The following HS2ST1 variants were observed in gnomAD, a reference collection of about 807,000 sequenced individuals.
The protein encoded by HS2ST1 is 2-O-sulfotransferase.
HS2ST1 carries 18 observed loss-of-function variants against 42.9 expected under a neutral mutation model. The ratio of observed to expected loss-of-function variants is 0.42; its 90% CI spans 0.29 to 0.62. The LOEUF (loss-of-function observed/expected upper bound fraction) is 0.62. HS2ST1 is among the 20% of genes least tolerant of loss of function. The pLI is 0.21. For synonymous variants in HS2ST1, 146 were observed against 152.9 expected, an observed-to-expected ratio of 0.95 and a Z score of 0.33; for missense variants, 334 against 433.8, an observed-to-expected ratio of 0.77 and a Z score of 2.04.
chr1:87,041,757 G>A (rs938602139), intron 1 of HS2ST1, among the ~76,000 whole-genome samples: 1 of 152,122 alleles, frequency 6.6e-6, no homozygotes, highest in Non-Finnish European at 1.5e-5. Flanking sequence ...TGTTGCATAC[G>A]ATGGAATTTC....
intron 2 of HS2ST1, among the ~76,000 whole-genome samples, chr1:87,081,072 T>A (rs755082670): frequency 2.2e-4 from 34 of 152,286 alleles, no homozygotes; most frequent in Non-Finnish European, 4.7e-4. Flanking sequence ...CAAATATTAC[T>A]AGAGCTAAAG....
intron 1 of HS2ST1, among the ~76,000 whole-genome samples, chr1:86,960,914 T>C (rs1282263794): frequency 4.6e-5 from 7 of 152,184 alleles, no homozygotes. Flanking sequence ...TCATGTTCCT[T>C]GGTGTTTATC....
At chr1:87,079,916 T>C (rs1570534691) in intron 2 of HS2ST1, among the ~76,000 whole-genome samples, 1 of 149,766 alleles carries the variant, frequency 6.7e-6, no homozygotes, top group Non-Finnish European at 1.5e-5. Context: ...GGCATGGTGG[T>C]GTACTCCTGC....
At chr1:86,951,485 G>A (rs1466517499) in intron 1 of HS2ST1, among the ~76,000 whole-genome samples, 1 of 152,194 alleles carries the variant, frequency 6.6e-6, no homozygotes, top group East Asian at 1.9e-4. Context: ...GTGTGCAGTA[G>A]CATTATGTCT....
In HS2ST1 at chr1:87,104,954, C is replaced by A. The variant is rs1652298425; in HGVS notation, c.*258C>A. The A allele has an allele frequency of 2.7e-6, 1 of 372,658 alleles. No homozygotes were observed. The highest frequency in any genetic ancestry group is 7.4e-4 in the Middle Eastern group (1 of 1,344). The allele number at this position is 372,658 out of a possible 1,614,324, so 23.1% of individuals were successfully genotyped here. ...CCTGCCTGGGAGAAAATATACATCA[C>A]CTAAAATGAACTTATGGCAGGTCTA... On this transcript the variant is annotated 3_prime_UTR_variant, in exon 7 of 7. Transcript: ENST00000370550.
At chr1:86,963,993 TCAGA>T (rs1030332852) in intron 1 of HS2ST1, among the ~76,000 whole-genome samples, 10 of 143,630 alleles carry the variant, frequency 7.0e-5, no homozygotes, top group Non-Finnish European at 1.1e-4. Context: ...TCCTCACTTC[TCAGA>T]CAGGGCGGCC....
chr1:87,008,604 T>A (rs1303024054), intron 1 of HS2ST1, among the ~76,000 whole-genome samples: 1 of 152,186 alleles, frequency 6.6e-6, no homozygotes, highest in African/African-American at 2.4e-5. Flanking sequence ...GCTCATAAAT[T>A]AATGTTTTGA....
chr1:87,069,117 G>C (rs1368880694), intron 1 of HS2ST1, among the ~76,000 whole-genome samples: 1 of 152,186 alleles, frequency 6.6e-6, no homozygotes, highest in South Asian at 2.1e-4. Context: ...TAGTCTTGCT[G>C]TCTCATGGAT....
At chr1:86,916,536 G>A (rs1660161924) in intron 1 of HS2ST1, among the ~76,000 whole-genome samples, 1 of 152,212 alleles carries the variant, frequency 6.6e-6, no homozygotes, top group Admixed American at 6.5e-5. Context: ...TGCAACTAAA[G>A]TTGGAGGAAA....
intron 1 of HS2ST1, among the ~76,000 whole-genome samples, chr1:86,993,434 T>A (rs1399357602): frequency 6.6e-6 from 1 of 152,166 alleles, no homozygotes; most frequent in East Asian, 1.9e-4. Context: ...TTTGTTTTCT[T>A]TATTTATAGA....
At chr1:87,003,503 A>G (rs1353635546) in intron 1 of HS2ST1, among the ~76,000 whole-genome samples, 3 of 152,192 alleles carry the variant, frequency 2.0e-5, no homozygotes, top group Non-Finnish European at 4.4e-5. Flanking sequence ...TTAGAGTTGC[A>G]TATTCTGGGT....
At chr1:86,967,989 C>T (rs2102205738) in intron 1 of HS2ST1, among the ~76,000 whole-genome samples, 1 of 152,310 alleles carries the variant, frequency 6.6e-6, no homozygotes, top group South Asian at 2.1e-4. Context: ...ATGGCCATTC[C>T]TTCAGGAATA....
intron 4 of HS2ST1, 120 bp from the exon 5 acceptor site, chr1:87,097,718 A>C (rs1652102095): frequency 3.5e-6 from 4 of 1,148,666 alleles, no homozygotes; most frequent in Admixed American, 4.9e-5. Flanking sequence ...ACTCCAAAAA[A>C]AATAAGAGTG....
chr1:86,914,860 G>T lies in HS2ST1; in HGVS notation c.-177G>T. ...GCGGACACCAGCGGCGTTGGTGATA[G>T]CGCCTGGGGGAGGGGGACTGGAGAG... is the stretch of plus-strand genomic sequence containing the variant. On this transcript the variant is annotated 5_prime_UTR_variant, in exon 1 of 7. Transcript: ENST00000370550. 1 of 683,354 alleles carries T rather than the reference G, an allele frequency of 1.5e-6. No individual in the cohort carries two copies. The highest frequency in any genetic ancestry group is 2.4e-6 in the Non-Finnish European group (1 of 413,538). 42.3% of individuals were successfully genotyped at this position (683,354 alleles called of 1,614,324 possible).
intron 2 of HS2ST1, among the ~76,000 whole-genome samples, chr1:87,075,124 T>C (rs892107499): frequency 6.6e-5 from 10 of 151,342 alleles, no homozygotes; most frequent in African/African-American, 2.4e-4. Context: ...TTTAATAATA[T>C]CATATTTTGT....
intron 1 of HS2ST1, among the ~76,000 whole-genome samples, chr1:86,952,508 GATAACAGGC>G (rs1229590854): frequency 6.6e-6 from 1 of 152,204 alleles, no homozygotes; most frequent in African/African-American, 2.4e-5. Flanking sequence ...AAACTGCTGG[GATAACAGGC>G]ATGAGCCAGC....
At chr1:86,942,920 A>G (rs1488932418) in intron 1 of HS2ST1, among the ~76,000 whole-genome samples, 1 of 151,590 alleles carries the variant, frequency 6.6e-6, no homozygotes, top group African/African-American at 2.4e-5. Context: ...GTCATCCTTG[A>G]TTTTTTTTCC....
At chr1:86,954,523 A>G (rs1346725681) in intron 1 of HS2ST1, among the ~76,000 whole-genome samples, 1 of 152,228 alleles carries the variant, frequency 6.6e-6, no homozygotes, top group Non-Finnish European at 1.5e-5. Flanking sequence ...AAATTGTTTA[A>G]TTATACATTG....
chr1:87,046,986 G>A (rs1207115861), intron 1 of HS2ST1, among the ~76,000 whole-genome samples: 1 of 151,418 alleles, frequency 6.6e-6, no homozygotes, highest in Non-Finnish European at 1.5e-5. Context: ...GGGATTACAG[G>A]CACAAGCCAC....
Sources: allele counts gnomAD v4.1 joint callset (sites outside exome capture counted in the v4.1 genomes callset), GRCh38; gene constraint gnomAD v4.1.1; transcripts MANE v1.5; gene names NCBI Gene and HGNC (gene_info 2026-07-23, HGNC 2026-07-21).